IL1RAPL2: variants seen among roughly 807,000 people sequenced by gnomAD.
IL1RAPL2 encodes X-linked interleukin-1 receptor accessory protein-like 2.
Under a neutral mutation model 44.1 loss-of-function variants are expected in IL1RAPL2, and 3 were observed. The ratio of observed to expected loss-of-function variants is 0.07; its 90% CI spans 0.03 to 0.18. The LOEUF (loss-of-function observed/expected upper bound fraction) is 0.18, where lower values mean the gene tolerates loss of function less well. Among genes scored for constraint, IL1RAPL2 ranks in the 10% least tolerant of loss-of-function variants. IL1RAPL2 has a pLI of 1.00. For missense variants in IL1RAPL2, 391 were observed against 496.4 expected, an observed-to-expected ratio of 0.79 and a Z score of 2.02; for synonymous variants, 181 against 178.8, an observed-to-expected ratio of 1.01 and a Z score of -0.10.
At chrX:105,299,521 T>G (rs916217636) in intron 5 of IL1RAPL2, among the ~76,000 whole-genome samples, 3 of 111,656 alleles carry the variant, frequency 2.7e-5, no homozygotes, top group African/African-American at 9.8e-5. Context: ...ATTCTCATGC[T>G]AATCTTGTTC....
intron 6 of IL1RAPL2, among the ~76,000 whole-genome samples, chrX:105,528,586 G>C (rs2036609727): frequency 9.0e-6 from 1 of 111,404 alleles, no homozygotes; most frequent in Non-Finnish European, 1.9e-5. Context: ...CTTTTACCTA[G>C]ATTAACCAGT....
Position 105,528,722 on chromosome X carries a change from A to G in IL1RAPL2, c.772+44335A>G, listed in dbSNP as rs951406041. Among the ~76,000 whole-genome samples the G allele has an allele frequency of 8.1e-5, 9 of 111,231 alleles. No individual in the cohort carries two copies. The East Asian group carries it at 1.7e-3, about 21-fold the overall frequency. On this transcript the variant is annotated intron_variant, in intron 6 of 10. Coordinates refer to ENST00000372582, the MANE Select transcript of IL1RAPL2 (RefSeq NM_017416.2). Reference sequence around the variant, plus strand: ...CCCTAAATTAGTTAGCATGTGTTTCATAAGAATCAAGACCTTCTCCTACAT... The same window carrying G: ...CCCTAAATTAGTTAGCATGTGTTTCGTAAGAATCAAGACCTTCTCCTACAT...
At chrX:105,398,631 TGAACCAACATGCTTTAG>T (rs1293851226) in intron 5 of IL1RAPL2, among the ~76,000 whole-genome samples, 7 of 111,594 alleles carry the variant, frequency 6.3e-5, no homozygotes, top group Non-Finnish European at 1.3e-4. Context: ...GCCTTGGAAA[TGAACCAACATGCTTTAG>T]GAAGATTCAG....
intron 2 of IL1RAPL2, among the ~76,000 whole-genome samples, chrX:104,849,859 T>A (rs1922179675): frequency 9.0e-6 from 1 of 111,489 alleles, no homozygotes; most frequent in Admixed American, 9.6e-5. Flanking sequence ...TTATGAGTGC[T>A]CATTTACCTA....
At chrX:105,470,948 G>T (rs1005388193) in intron 5 of IL1RAPL2, among the ~76,000 whole-genome samples, 3 of 111,030 alleles carry the variant, frequency 2.7e-5, no homozygotes, top group Non-Finnish European at 5.7e-5. Flanking sequence ...TCCTCTCATT[G>T]GTGTACCTAT....
At chrX:105,530,843 G>A (rs1005719789) in intron 6 of IL1RAPL2, among the ~76,000 whole-genome samples, 4 of 108,575 alleles carry the variant, frequency 3.7e-5, no homozygotes, top group Non-Finnish European at 5.7e-5. Flanking sequence ...GATGTTTGTC[G>A]TTCTGTGTCT....
In IL1RAPL2 at chrX:104,830,011, G is replaced by T. The variant is rs574249231; in HGVS notation, c.82+171016G>T. ...GAGTAGAGCTGGGATTCAAACTCTG[G>T]TCTTCCTTATTCTAGCTCCCTGTGC... is the stretch of plus-strand genomic sequence containing the variant. On this transcript the variant is annotated intron_variant, in intron 2 of 10. Transcript: ENST00000372582. Among the ~76,000 whole-genome samples the T allele has an allele frequency of 3.5e-4, 39 of 111,824 alleles. No homozygotes were observed. The South Asian group carries it at 0.014, about 40-fold the overall frequency.
intron 2 of IL1RAPL2, among the ~76,000 whole-genome samples, chrX:104,969,612 T>G (rs763890022): frequency 4.5e-5 from 5 of 111,603 alleles, no homozygotes; most frequent in African/African-American, 1.6e-4. Flanking sequence ...AGGCATAAAA[T>G]TAATAATTAG....
intron 2 of IL1RAPL2, among the ~76,000 whole-genome samples, chrX:104,985,995 G>A (rs1473648081): frequency 8.9e-6 from 1 of 112,099 alleles, no homozygotes; most frequent in Non-Finnish European, 1.9e-5. Flanking sequence ...ATATTATTCA[G>A]TGTCACCCAT....
chrX:105,275,276 A>G (rs2034477451), intron 5 of IL1RAPL2, among the ~76,000 whole-genome samples: 1 of 111,244 alleles, frequency 9.0e-6, no homozygotes, highest in Non-Finnish European at 1.9e-5. Flanking sequence ...GTATGAACAC[A>G]TAATATTCCC....
At chrX:105,294,985 G>T (rs979549778) in intron 5 of IL1RAPL2, among the ~76,000 whole-genome samples, 1 of 111,446 alleles carries the variant, frequency 9.0e-6, no homozygotes, top group Non-Finnish European at 1.9e-5. Context: ...GGTATTTTTC[G>T]ATTGGTGAAG....
chrX:104,637,067 A>AT (rs1203149326), intron 1 of IL1RAPL2, among the ~76,000 whole-genome samples: 9,561 of 96,629 alleles, frequency 0.099, 544 homozygotes, highest in African/African-American at 0.21. Flanking sequence ...GTAGTTTGGG[A>AT]TTTTTTTTTT....
At chrX:104,821,775 G>A (rs1921309704) in intron 2 of IL1RAPL2, among the ~76,000 whole-genome samples, 1 of 111,846 alleles carries the variant, frequency 8.9e-6, no homozygotes, top group African/African-American at 3.3e-5. Context: ...TGGGATTGCT[G>A]GGTCAAATGG....
At chrX:105,172,908 C>T (rs1393322385) in intron 2 of IL1RAPL2, among the ~76,000 whole-genome samples, 1 of 111,373 alleles carries the variant, frequency 9.0e-6, no homozygotes, top group Non-Finnish European at 1.9e-5. Flanking sequence ...TCCAAAGACT[C>T]ACCCCATATT....
chrX:105,208,688 A>G (rs1254130541), intron 3 of IL1RAPL2, among the ~76,000 whole-genome samples: 1 of 112,012 alleles, frequency 8.9e-6, no homozygotes, highest in Non-Finnish European at 1.9e-5. Flanking sequence ...TCACTCTTCA[A>G]CACTAAGGCA....
chrX:104,916,026 G>T (rs878937973), intron 2 of IL1RAPL2, among the ~76,000 whole-genome samples: 1 of 111,278 alleles, frequency 9.0e-6, no homozygotes, highest in Admixed American at 9.5e-5. Flanking sequence ...TTGTTCTTTT[G>T]GCTTAGGATT....
Position 105,699,091 on chromosome X carries a change from G to A in IL1RAPL2, c.773-18276G>A, listed in dbSNP as rs770482480. On this transcript the variant is annotated intron_variant, in intron 6 of 10. Coordinates refer to ENST00000372582, the MANE Select transcript of IL1RAPL2 (RefSeq NM_017416.2). ...TTTTCTGGATTTTGTGATGTTTGTGGCATTTATCATCTTTTAAAATGTGTT... is the reference window on the plus strand; with the variant it reads ...TTTTCTGGATTTTGTGATGTTTGTGACATTTATCATCTTTTAAAATGTGTT... Among the ~76,000 whole-genome samples the A allele has an allele frequency of 1.4e-4, 16 of 110,871 alleles. No individual in the cohort carries two copies. In the South Asian group the frequency reaches 2.3e-3, roughly 16 times the overall value.
intron 6 of IL1RAPL2, among the ~76,000 whole-genome samples, chrX:105,559,579 C>T (rs2036919122): frequency 9.0e-6 from 1 of 111,724 alleles, no homozygotes; most frequent in African/African-American, 3.3e-5. Context: ...GGAGGTACCC[C>T]ACATGTGCTC....
chrX:105,290,218 A>G lies in IL1RAPL2; in HGVS notation c.697+22677A>G, dbSNP rs767919338. ...TGTTGTGTGCCAGGCATTGTCCTAG[A>G]CACTAAAACCCAAAGATAAATAAGA... On this transcript the variant is annotated intron_variant, in intron 5 of 10. Transcript: ENST00000372582. Among the ~76,000 whole-genome samples, 6 of 111,713 alleles carry G rather than the reference A, an allele frequency of 5.4e-5. No individual in the cohort carries two copies. The East Asian group carries it at 1.1e-3, about 21-fold the overall frequency.
Sources: gnomAD v4.1 joint callset for allele counts (sites outside exome capture counted in the v4.1 genomes callset) on GRCh38, gnomAD v4.1.1 for gene constraint, MANE v1.5 for transcripts, NCBI Gene and HGNC (gene_info 2026-07-23, HGNC 2026-07-21) for gene names.